The following CEP44 variants were observed in gnomAD, a reference collection of about 807,000 sequenced individuals.
CEP44 encodes the protein centrosomal protein 44.
A neutral mutation model predicts 46.7 loss-of-function variants in CEP44; 45 were observed. The observed-to-expected ratio is 0.96, with a 90% CI of 0.76 to 1.24. The LOEUF (loss-of-function observed/expected upper bound fraction) is 1.24, where lower values mean the gene tolerates loss of function less well. CEP44 is among the 50% of genes most tolerant of loss of function. CEP44 has a pLI of 0.00. For synonymous variants in CEP44, 142 were observed against 146.0 expected (o/e 0.97, Z 0.20); for missense variants, 475 against 459.7 (o/e 1.03, Z -0.30).
In CEP44 at chr4:174,312,700, G is replaced by T. The variant is rs1395040230; in HGVS notation, c.961+1842G>T. On this transcript the variant is annotated intron_variant, in intron 9 of 11. Transcript: ENST00000503780. The surrounding 1 kb of genome is among the most constrained non-coding windows in gnomAD (Gnocchi z 4.5). ...CAGATTATGATTAGGTTGAATACCTGGTCTCATAGAGTTTATGATCTGATC... is the reference window on the plus strand; with the variant it reads ...CAGATTATGATTAGGTTGAATACCTTGTCTCATAGAGTTTATGATCTGATC... 6.6e-6 allele frequency among the ~76,000 whole-genome samples: 1 copy of T among 152,008 alleles called. No individual in the cohort carries two copies.
At chr4:174,303,094 A>T (rs1181297350) in intron 4 of CEP44, among the ~76,000 whole-genome samples, 5 of 152,110 alleles carry the variant, frequency 3.3e-5, no homozygotes, top group African/African-American at 1.2e-4. Context: ...ATAGTCTTTT[A>T]AAAAAAGCAG....
rs543625340 is a variant in CEP44, at chr4:174,329,774, A to T, written c.1087-1708A>T. ...ATATGTTAACCTTCAGGCTATCATC[A>T]TTCTTTCTCAAGATAGATTTATGGT... On this transcript the variant is annotated intron_variant, in intron 8 of 8. Coordinates refer to the CEP44 transcript ENST00000426172. This position sits in a 1 kb window ranked among gnomAD's most constrained non-coding sequence, Gnocchi z 4.0. 6.6e-6 allele frequency among the ~76,000 whole-genome samples: 1 copy of T among 152,274 alleles called. No individual in the cohort carries two copies. The highest frequency in any genetic ancestry group is 6.5e-5 in the Admixed American group (1 of 15,294).
At chr4:174,330,273 G>A (rs534299145) in intron 8 of CEP44, among the ~76,000 whole-genome samples, 11 of 152,212 alleles carry the variant, frequency 7.2e-5, no homozygotes, top group East Asian at 1.9e-4. Context: ...TGGATCACCC[G>A]AGCTCAGGAG....
At chr4:174,313,080 T>G (rs1741265624) in intron 9 of CEP44, among the ~76,000 whole-genome samples, 1 of 152,048 alleles carries the variant, frequency 6.6e-6, no homozygotes, top group Non-Finnish European at 1.5e-5. Context: ...ATGGTAAGAA[T>G]GAAATTTTTA....
At position 174,325,378 on chromosome 4, in the gene CEP44, G is replaced by C. The variant is rs1313308690; in HGVS notation, c.1087-6104G>C. ...ATCACTGAGAGAGGGGTGTAGCCAT[G>C]TACAGTCACTCATGCCTGTAATTCC... On this transcript the variant is annotated intron_variant, in intron 8 of 8. Coordinates refer to the CEP44 transcript ENST00000426172. This position sits in a 1 kb window ranked among gnomAD's most constrained non-coding sequence, Gnocchi z 4.4. Among the ~76,000 whole-genome samples the C allele has an allele frequency of 6.6e-6, 1 of 152,114 alleles. No homozygotes were observed. The highest frequency in any genetic ancestry group is 1.9e-4 in the East Asian group (1 of 5,196).
intron 5 of CEP44, 107 bp from the exon 6 acceptor site, chr4:174,304,140 T>C: frequency 8.7e-6 from 11 of 1,270,610 alleles, no homozygotes; most frequent in Non-Finnish European, 1.2e-5. Context: ...GTCTCATTAT[T>C]TGTCAGCTAT....
intron 9 of CEP44, among the ~76,000 whole-genome samples, chr4:174,313,080 T>C (rs1741265624): frequency 6.6e-6 from 1 of 152,048 alleles, no homozygotes; most frequent in Non-Finnish European, 1.5e-5. Context: ...ATGGTAAGAA[T>C]GAAATTTTTA....
At chr4:174,322,967 G>A (rs550213659), downstream of CEP44, among the ~76,000 whole-genome samples, 14 of 152,088 alleles carry the variant, frequency 9.2e-5, no homozygotes, top group Non-Finnish European at 2.1e-4. Flanking sequence ...TAATAAAAAG[G>A]TGAGGAAATT....
At chr4:174,313,698 G>A (rs941750813) in intron 9 of CEP44, among the ~76,000 whole-genome samples, 3 of 152,128 alleles carry the variant, frequency 2.0e-5, no homozygotes, top group Admixed American at 2.0e-4. Context: ...TGATAGTGAG[G>A]ATAAAGAGCA....
chr4:174,301,859 T>G lies in CEP44; in HGVS notation c.90-180T>G, dbSNP rs149228361. 2.5e-3 allele frequency among the ~76,000 whole-genome samples: 379 copies of G among 152,296 alleles called. No individual in the cohort carries two copies. Among genetic ancestry groups the G allele is most frequent in the African/African-American group, 8.8e-3 (365 of 41,576 alleles). ...CAGTGGTATTTCATAGTAGTCTGGC[T>G]AGACTGGTTTCAAATGGGGAATGGA... On this transcript the variant is annotated intron_variant, in intron 3 of 11. Transcript: ENST00000503780. The surrounding 1 kb of genome is among the most constrained non-coding windows in gnomAD (Gnocchi z 4.3).
intron 6 of CEP44, among the ~76,000 whole-genome samples, chr4:174,307,574 G>A (rs1182465828): frequency 1.3e-5 from 2 of 152,084 alleles, no homozygotes; most frequent in African/African-American, 4.8e-5. Flanking sequence ...TGACGAAGAC[G>A]CCAAAGGCAA....
chr4:174,326,010 T>G lies in CEP44; in HGVS notation c.1087-5472T>G, dbSNP rs1031441395. ...GATAACGTAATTTGGTCTTGCTCTT[T>G]TATCAAATCTAAAAATCTCTGGAAT... On this transcript the variant is annotated intron_variant, in intron 8 of 8. Coordinates refer to the CEP44 transcript ENST00000426172. The surrounding 1 kb of genome is among the most constrained non-coding windows in gnomAD (Gnocchi z 4.8). Among the ~76,000 whole-genome samples, 3 of 152,262 alleles carry G rather than the reference T, an allele frequency of 2.0e-5. No homozygotes were observed. In the South Asian group the frequency reaches 6.2e-4, roughly 32 times the overall value.
chr4:174,292,913 G>A (rs72702252), intron 1 of CEP44, among the ~76,000 whole-genome samples: 2,543 of 152,182 alleles, frequency 0.017, 29 homozygotes, highest in Non-Finnish European at 0.028. Flanking sequence ...AACCTTATTG[G>A]TTTCCTTTGG....
rs1309191556 is a variant in CEP44, at chr4:174,290,031, T to C, written c.-148+6088T>C. Among the ~76,000 whole-genome samples, 1 of 152,044 alleles carries C rather than the reference T, an allele frequency of 6.6e-6. No individual in the cohort carries two copies. Among genetic ancestry groups the C allele is most frequent in the South Asian group, 2.1e-4 (1 of 4,820 alleles). ...CCACCATGCTCAGCTAATTTTTGTA[T>C]TTTTTGTAGAGATGGGGTTTCACCA... On this transcript the variant is annotated intron_variant, in intron 1 of 11. Coordinates refer to ENST00000503780, the MANE Select transcript of CEP44 (RefSeq NM_001040157.3). This position sits in a 1 kb window ranked among gnomAD's most constrained non-coding sequence, Gnocchi z 4.3.
rs1400258045 is a variant in CEP44, at chr4:174,286,945, C to T, written c.-148+3002C>T. Among the ~76,000 whole-genome samples, 2 of 152,148 alleles carry T rather than the reference C, an allele frequency of 1.3e-5. No homozygotes were observed. The highest frequency in any genetic ancestry group is 2.1e-4 in the South Asian group (1 of 4,834). On this transcript the variant is annotated intron_variant, in intron 1 of 11. Coordinates refer to ENST00000503780, the MANE Select transcript of CEP44 (RefSeq NM_001040157.3). The surrounding 1 kb of genome is among the most constrained non-coding windows in gnomAD (Gnocchi z 5.2). ...TTTTCCAAAATAATTGTACCATTTA[C>T]TCTTTCTGTAAAAAGCATAGATATT...
intron 6 of CEP44, 33 bp from the exon 7 acceptor site, chr4:174,308,656 T>C (rs1314770687): frequency 6.4e-7 from 1 of 1,562,234 alleles, no homozygotes; most frequent in Non-Finnish European, 8.7e-7. Flanking sequence ...AGGAAAACAT[T>C]GAAGTGTTTC....
intron 5 of CEP44, 132 bp downstream of exon 5, chr4:174,303,981 G>A (rs1740066102): frequency 4.1e-6 from 3 of 732,318 alleles, no homozygotes; most frequent in African/African-American, 1.8e-5. Flanking sequence ...AAAGATTTGA[G>A]TAACCTTATA....
Position 174,288,674 on chromosome 4 carries a change from T to C in CEP44, c.-148+4731T>C, listed in dbSNP as rs141702829. Among the ~76,000 whole-genome samples, 22 of 152,290 alleles carry C rather than the reference T, an allele frequency of 1.4e-4. No individual in the cohort carries two copies. Among genetic ancestry groups the C allele is most frequent in the African/African-American group, 5.3e-4 (22 of 41,590 alleles). ...TGGGGTCCCTAAGGTTTTCTACATC[T>C]AAGATCATGTCATCTGCAAACAGAT... On this transcript the variant is annotated intron_variant, in intron 1 of 11. Coordinates refer to ENST00000503780, the MANE Select transcript of CEP44 (RefSeq NM_001040157.3). The surrounding 1 kb of genome is among the most constrained non-coding windows in gnomAD (Gnocchi z 4.6).
rs2126673224 is a variant in CEP44 at position 174,317,768 on chromosome 4, A to G, written c.*385A>G. On this transcript the variant is annotated 3_prime_UTR_variant, in exon 12 of 12. Coordinates refer to ENST00000503780, the MANE Select transcript of CEP44 (RefSeq NM_001040157.3). The stretch of plus-strand genomic sequence containing the variant: ...GAAACATTCCAAATGGGACTTGTGT[A>G]TTATACCCAGGAGGCTCTCATATAT... 4.1e-6 allele frequency: 4 copies of G among 987,532 alleles called. No homozygotes were observed. The highest frequency in any genetic ancestry group is 4.8e-6 in the Non-Finnish European group (4 of 831,114). 61.2% of individuals were successfully genotyped at this position (987,532 alleles called of 1,614,324 possible).
Sources: gnomAD v4.1 joint callset for allele counts (sites outside exome capture counted in the v4.1 genomes callset) on GRCh38, gnomAD v4.1.1 for gene constraint, Gnocchi (gnomAD v3.1) non-coding constraint, MANE v1.5 for transcripts, NCBI Gene and HGNC (gene_info 2026-07-23, HGNC 2026-07-21) for gene names.